Variants in GZMM observed in about 807,000 individuals in gnomAD.
The protein encoded by GZMM is HU-Met-1.
In GZMM, 23 loss-of-function variants were observed where a neutral mutation model predicts 19.2. The ratio of observed to expected loss-of-function variants is 1.20; its 90% CI spans 0.86 to 1.69. GZMM has a LOEUF of 1.69. Among genes scored for constraint, GZMM ranks in the 40% most tolerant of loss-of-function variants. The pLI is 0.00. For synonymous variants in GZMM, 178 were observed against 160.2 expected, an observed-to-expected ratio of 1.11 and a Z score of -0.84; for missense variants, 373 against 352.2, an observed-to-expected ratio of 1.06 and a Z score of -0.47.
intron 2 of GZMM, 146 bp downstream of exon 2, chr19:547,582 C>T (rs1600441373): frequency 5.2e-6 from 3 of 574,028 alleles, no homozygotes; most frequent in South Asian, 5.9e-5. Context: ...GTTTAAGTGA[C>T]CTGCGGCTGT....
At chr19:544,219 TG>T (rs1980170361) in intron 1 of GZMM, 93 bp downstream of exon 1, 1 of 1,030,638 alleles carries the variant, frequency 9.7e-7, no homozygotes, top group African/African-American at 1.6e-5. Context: ...GCCGACATCC[TG>T]GGTGTAAGAG....
In GZMM at chr19:549,865, GAGGACGGGTGGGA is replaced by G; in HGVS notation, c.*75_*87del. The stretch of plus-strand genomic sequence containing the variant: ...CCTCCAGGGGTGCAGTGGGGTGGGT[GAGGACGGGTGGGA>G]GGGACAGGGAGGGACCAATAAATCA... On this transcript the variant is annotated 3_prime_UTR_variant, in exon 5 of 5. Coordinates refer to ENST00000264553, the MANE Select transcript of GZMM (RefSeq NM_005317.4). The G allele has an allele frequency of 1.9e-6, 1 of 531,004 alleles. No homozygotes were observed. Among genetic ancestry groups the G allele is most frequent in the Non-Finnish European group, 3.5e-6 (1 of 284,206 alleles). 32.9% of individuals were successfully genotyped at this position (531,004 alleles called of 1,614,324 possible).
At position 545,495 on chromosome 19, in the gene GZMM, C is replaced by A. The variant is rs559946376; in HGVS notation, c.55+1369C>A. ...CCCGAGTAGCTGGGATTACAGGCGC[C>A]TGCCACCATGCCGGGCTAATTTTGT... On this transcript the variant is annotated intron_variant, in intron 1 of 4. Coordinates refer to ENST00000264553, the MANE Select transcript of GZMM (RefSeq NM_005317.4). Among the ~76,000 whole-genome samples the A allele has an allele frequency of 2.6e-5, 4 of 151,894 alleles. No homozygotes were observed. In the South Asian group the frequency reaches 8.3e-4, roughly 32 times the overall value.
rs148344737 is a variant in GZMM at position 548,667 on chromosome 19, C to T, written c.338C>T (p.Ala113Val). The T allele has an allele frequency of 1.2e-5, 19 of 1,612,816 alleles. No individual in the cohort carries two copies. The highest frequency in any genetic ancestry group is 8.3e-5 in the Admixed American group (5 of 59,972). ...GTCCCTGCCCTGGAGAACGACCTCG[C>T]GCTGCTTCAGGTGTGCAGGGACGGG... ...KPVPALENDL[A>V]LLQLDGKVKP... The change falls in exon 3 of 5, where the codon GCG becomes GTG. Residue 113 changes from alanine (A) to valine (V), a missense_variant. Coordinates refer to ENST00000264553, the MANE Select transcript of GZMM (RefSeq NM_005317.4).
intron 1 of GZMM, among the ~76,000 whole-genome samples, chr19:546,981 G>A (rs984987374): frequency 1.3e-5 from 2 of 151,724 alleles, no homozygotes; most frequent in Admixed American, 6.6e-5. Context: ...ACCCACATCC[G>A]GCCTGATGTG....
chr19:549,286 G>A (rs1980422843), intron 4 of GZMM, 101 bp downstream of exon 4: 3 of 1,194,176 alleles, frequency 2.5e-6, no homozygotes, highest in Admixed American at 2.7e-5. Context: ...TCTCTGGGGA[G>A]TCCTGTCAGG....
At chr19:544,166 A>G (rs1283039101) in intron 1 of GZMM, 40 bp downstream of exon 1, 3 of 1,507,542 alleles carry the variant, frequency 2.0e-6, no homozygotes, top group African/African-American at 1.4e-5. Flanking sequence ...ACTGAGGCCC[A>G]GCGCTCTCGG....
At position 547,370 on chromosome 19, in the gene GZMM, A is replaced by G. The variant is rs757450436; in HGVS notation, c.146A>G (p.His49Arg). 1.3e-6 allele frequency: 2 copies of G among 1,570,892 alleles called. No homozygotes were observed. The highest frequency in any genetic ancestry group is 1.7e-6 in the Non-Finnish European group (2 of 1,160,572). Residue 49 changes from histidine (H) to arginine (R), a missense_variant, in exon 2 of 5, where the codon CAC becomes CGC. His to Arg is a conservative substitution (Grantham distance 29). Transcript: ENST00000264553. ...GCCTCACTGCAGAGAAATGGCTCCC[A>G]CCTGTGCGGGGGTGTCCTGGTGCAC... is the stretch of plus-strand genomic sequence containing the variant. Reference protein sequence around the residue: ...YMASLQRNGSHLCGGVLVHPK... With the variant: ...YMASLQRNGSRLCGGVLVHPK...
intron 1 of GZMM, among the ~76,000 whole-genome samples, chr19:545,449 G>C (rs1980240134): frequency 6.6e-6 from 1 of 152,210 alleles, no homozygotes; most frequent in African/African-American, 2.4e-5. Context: ...CTGGTTTCAA[G>C]CGATTCTCCT....
At chr19:549,609 T>A in intron 4 of GZMM, 21 bp from the exon 5 acceptor site, 1 of 1,604,900 alleles carries the variant, frequency 6.2e-7, no homozygotes, top group African/African-American at 1.3e-5. Context: ...GAGGCTGAGC[T>A]GCGGTGTGTC....
intron 1 of GZMM, among the ~76,000 whole-genome samples, chr19:544,630 A>G (rs1201791222): frequency 6.6e-6 from 1 of 152,024 alleles, no homozygotes; most frequent in Non-Finnish European, 1.5e-5. Context: ...AAGAAGATGG[A>G]CAGAGGTAGG....
Position 544,188 on chromosome 19 carries a change from A to C in GZMM, c.55+62A>C. The C allele has an allele frequency of 2.1e-6, 3 of 1,396,310 alleles. 1 individual carries two copies. The South Asian group carries it at 3.7e-5, about 17-fold the overall frequency. 86.5% of individuals were successfully genotyped at this position (1,396,310 alleles called of 1,614,324 possible). A position where few individuals can be genotyped will look rare whatever the true frequency, so the allele number is the denominator to read the frequency against. Reference sequence around the variant, plus strand: ...CCCAGCGCTCTCGGTGGGTCCCTGGATGGGAGGGGTGGGCGCGGGCGCCGA... The same window carrying C: ...CCCAGCGCTCTCGGTGGGTCCCTGGCTGGGAGGGGTGGGCGCGGGCGCCGA... On this transcript the variant is annotated intron_variant, in intron 1 of 4. Coordinates refer to ENST00000264553, the MANE Select transcript of GZMM (RefSeq NM_005317.4).
At position 549,864 on chromosome 19, in the gene GZMM, T is replaced by TTTTG; in HGVS notation, c.*73_*74insTTTG. 1.2e-6 allele frequency: 1 copy of TTTTG among 841,990 alleles called. No individual in the cohort carries two copies. Among genetic ancestry groups the TTTTG allele is most frequent in the Non-Finnish European group, 1.9e-6 (1 of 537,174 alleles). 52.2% of individuals were successfully genotyped at this position (841,990 alleles called of 1,614,324 possible). A position where few individuals can be genotyped will look rare whatever the true frequency, so the allele number is the denominator to read the frequency against. ...CCCTCCAGGGGTGCAGTGGGGTGGG[T>TTTTG]GAGGACGGGTGGGAGGGACAGGGAG... On this transcript the variant is annotated 3_prime_UTR_variant, in exon 5 of 5. Transcript: ENST00000264553.
At position 549,856 on chromosome 19, in the gene GZMM, G is replaced by GTT; in HGVS notation, c.*65_*66insTT. 8.4e-7 allele frequency: 1 copy of GTT among 1,187,502 alleles called. No homozygotes were observed. Among genetic ancestry groups the GTT allele is most frequent in the Non-Finnish European group, 1.2e-6 (1 of 818,078 alleles). 73.6% of individuals were successfully genotyped at this position (1,187,502 alleles called of 1,614,324 possible). Reference sequence around the variant, plus strand: ...GACCCTTCCCCTCCAGGGGTGCAGTGGGGTGGGTGAGGACGGGTGGGAGGG... The same window carrying GTT: ...GACCCTTCCCCTCCAGGGGTGCAGTGTTGGGTGGGTGAGGACGGGTGGGAGGG... On this transcript the variant is annotated 3_prime_UTR_variant, in exon 5 of 5. Transcript: ENST00000264553.
chr19:549,396 G>T (rs1435697123), intron 4 of GZMM, among the ~76,000 whole-genome samples: 2 of 152,220 alleles, frequency 1.3e-5, no homozygotes, highest in African/African-American at 4.8e-5. Flanking sequence ...ACACAGCCGG[G>T]AAGCGGCAGA....
chr19:547,546 T>A, intron 2 of GZMM, 110 bp downstream of exon 2: 1 of 862,538 alleles, frequency 1.2e-6, no homozygotes, highest in Non-Finnish European at 1.6e-6. Context: ...GGGACCCCCG[T>A]CCCCTCCCGG....
Position 549,733 on chromosome 19 carries a change from C to T in GZMM, c.716C>T (p.Ala239Val), listed in dbSNP as rs745413232. The T allele has an allele frequency of 3.1e-6, 5 of 1,613,556 alleles. No homozygotes were observed. In the Admixed American group the frequency reaches 6.7e-5, roughly 22 times the overall value. The change falls in exon 5 of 5, where the codon GCC becomes GTC. Residue 239 changes from alanine (A) to valine (V), a missense_variant. Ala to Val is a moderately conservative substitution (Grantham distance 64). Transcript: ENST00000264553. ...ACTGACATCTTCAAGCCTCCCGTGG[C>T]CACCGCTGTGGCGCCTTACGTGTCC... ...VCTDIFKPPV[A>V]TAVAPYVSWI...
rs766195395 is a variant in GZMM, at chr19:548,931, A to T, written c.358A>T (p.Lys120Ter). The stretch of plus-strand genomic sequence containing the variant: ...TTCCTGTCACTCGTAGCTGGACGGG[A>T]AAGTGAAGCCCAGCCGGACCATCCG... ...NDLALLQLDGKVKPSRTIRPL... is the reference protein window; with the variant it reads ...NDLALLQLDG The change falls in exon 4 of 5, where the codon AAA becomes TAA. Residue 120 changes from lysine (K) to a stop codon, truncating the protein, a stop_gained. Coordinates refer to ENST00000264553, the MANE Select transcript of GZMM (RefSeq NM_005317.4). LOFTEE classifies it high-confidence loss of function. 1.3e-6 allele frequency: 2 copies of T among 1,520,414 alleles called. No individual in the cohort carries two copies. Among genetic ancestry groups the T allele is most frequent in the East Asian group, 5.1e-5 (2 of 39,218 alleles). The allele number at this position is 1,520,414 out of a possible 1,614,324, so 94.2% of individuals were successfully genotyped here.
At chr19:544,723 TC>T (rs1980193211) in intron 1 of GZMM, among the ~76,000 whole-genome samples, 1 of 66,744 alleles carries the variant, frequency 1.5e-5, no homozygotes, top group African/African-American at 6.0e-5. Flanking sequence ...CCTCCCTCCC[TC>T]CCTCCCTCCC....
Sources: gnomAD v4.1 joint callset for allele counts (sites outside exome capture counted in the v4.1 genomes callset) on GRCh38, gnomAD v4.1.1 for gene constraint, MANE v1.5 for transcripts, NCBI Gene and HGNC (gene_info 2026-07-23, HGNC 2026-07-21) for gene names.